The following NECAP2 variants were observed in gnomAD, a reference collection of about 807,000 sequenced individuals.
NECAP2 encodes adaptin ear-binding coat-associated protein 2.
Under a neutral mutation model 37.8 loss-of-function variants are expected in NECAP2, and 38 were observed. That is an observed-to-expected ratio of 1.01 (90% confidence interval 0.78 to 1.32). NECAP2 has a LOEUF of 1.32. Among genes scored for constraint, NECAP2 ranks in the 40% most tolerant of loss-of-function variants. The pLI is 0.00. For synonymous variants in NECAP2, 121 were observed against 127.7 expected (o/e 0.95, Z 0.35); for missense variants, 316 against 334.5 (o/e 0.94, Z 0.43).
intron 1 of NECAP2, among the ~76,000 whole-genome samples, 190 bp from the exon 2 acceptor site, chr1:16,443,442 C>T (rs1335811486): frequency 2.0e-5 from 3 of 152,210 alleles, no homozygotes; most frequent in Non-Finnish European, 2.9e-5. Flanking sequence ...CTGATTTTAC[C>T]CTACAGCAGC....
At chr1:16,447,330 C>T (rs1009661321) in intron 2 of NECAP2, among the ~76,000 whole-genome samples, 2 of 151,992 alleles carry the variant, frequency 1.3e-5, no homozygotes, top group Non-Finnish European at 2.9e-5. Flanking sequence ...AAGCTAGTCA[C>T]GCTTGCCCTG....
intron 2 of NECAP2, 40 bp from the exon 3 acceptor site, chr1:16,447,830 G>A (rs1330893862): frequency 1.3e-6 from 2 of 1,550,684 alleles, no homozygotes; most frequent in South Asian, 1.1e-5. Flanking sequence ...GGCTGGAAGG[G>A]GGCTCAGGGC....
intron 2 of NECAP2, 77 bp downstream of exon 2, chr1:16,443,809 AG>A: frequency 1.7e-6 from 2 of 1,155,520 alleles, no homozygotes; most frequent in Non-Finnish European, 2.6e-6. Flanking sequence ...TGGTCTGGCC[AG>A]GCTGCTCAGG....
chr1:16,443,815 C>A, intron 2 of NECAP2, 83 bp downstream of exon 2: 1 of 1,081,096 alleles, frequency 9.2e-7, no homozygotes, highest in Non-Finnish European at 1.4e-6. Flanking sequence ...GGCCAGGCTG[C>A]TCAGGGGTCA....
intron 2 of NECAP2, among the ~76,000 whole-genome samples, chr1:16,446,818 G>A (rs1304500327): frequency 3.9e-5 from 6 of 152,142 alleles, no homozygotes; most frequent in African/African-American, 1.4e-4. Context: ...CCAGCACTTT[G>A]GGAGGCTGAG....
chr1:16,449,951 A>G (rs1178582705), intron 5 of NECAP2: 3 of 291,620 alleles, frequency 1.0e-5, no homozygotes, highest in Non-Finnish European at 1.4e-5. Context: ...CAGAGTCATG[A>G]TTGCGGGGAC....
chr1:16,441,122 A>C, intron 1 of NECAP2: 1 of 493,126 alleles, frequency 2.0e-6, no homozygotes, highest in Non-Finnish European at 3.7e-6. Context: ...CGGGTACCCT[A>C]AACTTGGTCG....
At chr1:16,441,319 A>C in intron 1 of NECAP2, 1 of 160,488 alleles carries the variant, frequency 6.2e-6, no homozygotes, top group Admixed American at 6.2e-5. Context: ...AAGCCCAGGG[A>C]CCCCTTCCTA....
At chr1:16,457,737 G>T (rs1354546330) in intron 7 of NECAP2, among the ~76,000 whole-genome samples, 1 of 120,368 alleles carries the variant, frequency 8.3e-6, no homozygotes, top group Non-Finnish European at 1.6e-5. Flanking sequence ...TTTGAGACAA[G>T]GTTTCACTCT....
intron 1 of NECAP2, 174 bp downstream of exon 1, chr1:16,441,027 C>G: frequency 1.7e-6 from 1 of 595,678 alleles, no homozygotes; most frequent in Non-Finnish European, 3.0e-6. Context: ...CAGAGTTTCG[C>G]CCGTCTCAGT....
intron 1 of NECAP2, among the ~76,000 whole-genome samples, chr1:16,443,033 G>C (rs990691373): frequency 1.3e-5 from 2 of 152,178 alleles, no homozygotes; most frequent in African/African-American, 4.8e-5. Context: ...TTTCTCTTCT[G>C]GTGATTGTTC....
Position 16,447,804 on chromosome 1 carries a change from T to C in NECAP2, c.194-66T>C, listed in dbSNP as rs963591144. On this transcript the variant is annotated intron_variant, in intron 2 of 7. Transcript: ENST00000337132. ...GCCTTGCGGGCAAAAGGCCCAGTAG[T>C]GTGGTAGAAAACCTTGGCTGGAAGG... 17 of 1,304,736 alleles carry C rather than the reference T, an allele frequency of 1.3e-5. No homozygotes were observed. In the Admixed American group the frequency reaches 2.2e-4, roughly 17 times the overall value. The allele number at this position is 1,304,736 out of a possible 1,614,324, so 80.8% of individuals were successfully genotyped here.
At chr1:16,445,888 A>G (rs1486179143) in intron 2 of NECAP2, among the ~76,000 whole-genome samples, 1 of 150,436 alleles carries the variant, frequency 6.6e-6, no homozygotes, top group Non-Finnish European at 1.5e-5. Context: ...TGGGTGACAG[A>G]GCAAGACTGT....
intron 2 of NECAP2, 51 bp downstream of exon 2, chr1:16,443,783 G>C (rs1187662942): frequency 1.1e-5 from 16 of 1,441,902 alleles, no homozygotes; most frequent in Middle Eastern, 2.0e-4. Flanking sequence ...CCCACTTTAT[G>C]AAGGGAGAGG....
Position 16,452,019 on chromosome 1 carries a change from A to G in NECAP2, c.667+4A>G. ...CCAGCAGTTGCTCCCAGTTCAGGTT[A>G]GTGCTCAGTGGGTGACTGCTGCATC... is the stretch of plus-strand genomic sequence containing the variant. On this transcript the variant is annotated splice_donor_region_variant and intron_variant, in intron 6 of 7. Transcript: ENST00000337132. The G allele has an allele frequency of 6.4e-7, 1 of 1,568,680 alleles. No homozygotes were observed. The highest frequency in any genetic ancestry group is 8.6e-7 in the Non-Finnish European group (1 of 1,158,150).
At chr1:16,456,994 G>A (rs1570276357) in intron 7 of NECAP2, among the ~76,000 whole-genome samples, 1 of 152,132 alleles carries the variant, frequency 6.6e-6, no homozygotes, top group African/African-American at 2.4e-5. Flanking sequence ...GAGCCAGTGT[G>A]CCCAGCCACA....
intron 5 of NECAP2, chr1:16,450,065 T>C (rs2086818647): frequency 2.5e-6 from 1 of 401,542 alleles, no homozygotes; most frequent in Admixed American, 3.1e-5. Flanking sequence ...GCTTTTCCTC[T>C]TTACTTACTC....
chr1:16,449,189 G>C lies in NECAP2; in HGVS notation c.477G>C (p.Lys159Asn), dbSNP rs1360071028. ...DLGFKEGQTIKLNIANMKKKE... is the reference protein window; with the variant it reads ...DLGFKEGQTINLNIANMKKKE... ...GCTTCAAGGAGGGCCAGACCATCAA[G>C]CTCAACATCGCAGTGAGTTCTACCC... is the stretch of plus-strand genomic sequence containing the variant. Residue 159 changes from lysine to asparagine, a missense_variant, in exon 5 of 8, where the codon AAG becomes AAC. Physicochemically the swap from Lys to Asn is moderately conservative, Grantham distance 94. Coordinates refer to ENST00000337132, the MANE Select transcript of NECAP2 (RefSeq NM_018090.5). The C allele has an allele frequency of 6.2e-7, 1 of 1,610,486 alleles. No homozygotes were observed. Among genetic ancestry groups the C allele is most frequent in the South Asian group, 1.1e-5 (1 of 90,338 alleles).
intron 7 of NECAP2, 130 bp downstream of exon 7, chr1:16,456,023 T>TA: frequency 7.9e-6 from 5 of 634,656 alleles, no homozygotes; most frequent in Non-Finnish European, 1.3e-5. Flanking sequence ...TGTTTTCTTT[T>TA]CTTTTTTTTT....
Sources: allele counts gnomAD v4.1 joint callset (sites outside exome capture counted in the v4.1 genomes callset), GRCh38; gene constraint gnomAD v4.1.1; transcripts MANE v1.5; gene names NCBI Gene and HGNC (gene_info 2026-07-23, HGNC 2026-07-21).